Variants in STKLD1 observed in about 807,000 individuals in gnomAD.
STKLD1 encodes serine/threonine kinase-like domain-containing protein STKLD1.
A neutral mutation model predicts 80.4 loss-of-function variants in STKLD1; 79 were observed. That is an observed-to-expected ratio of 0.98 (90% CI 0.82 to 1.19). The LOEUF (loss-of-function observed/expected upper bound fraction) is 1.19, where lower values mean the gene tolerates loss of function less well. Ranked by LOEUF, STKLD1 falls within the 50% of genes most tolerant of loss-of-function variation. STKLD1 has a pLI of 0.00. For missense variants in STKLD1, 841 were observed against 856.0 expected (o/e 0.98, Z 0.22); for synonymous variants, 393 against 357.6 (o/e 1.10, Z -1.12).
In STKLD1 at chr9:133,395,777, C is replaced by T. The variant is rs782548257; in HGVS notation, c.866+14C>T. The T allele has an allele frequency of 1.7e-5, 27 of 1,611,840 alleles. No homozygotes were observed. Among genetic ancestry groups the T allele is most frequent in the African/African-American group, 4.0e-5 (3 of 74,888 alleles). Reference sequence around the variant, plus strand: ...AATAACGATAAAGTGAGCTCAGGGTCGGGGTTTATTTTAACCTGTGGATTT... The same window carrying T: ...AATAACGATAAAGTGAGCTCAGGGTTGGGGTTTATTTTAACCTGTGGATTT... On this transcript the variant is annotated intron_variant, in intron 9 of 17. Coordinates refer to ENST00000371957, the MANE Select transcript of STKLD1 (RefSeq NM_153710.5).
Position 133,394,208 on chromosome 9 carries a change from C to G in STKLD1, c.584-83C>G, listed in dbSNP as rs1838496957. On this transcript the variant is annotated intron_variant, in intron 7 of 17. Transcript: ENST00000371957. This position sits in a 1 kb window ranked among gnomAD's most constrained non-coding sequence, Gnocchi z 4.9. Reference sequence around the variant, plus strand: ...TTGCGGGGGGCCACCAAAGGGGATACAGTGCTGGGCAGGGTGACTCTGTCA... The same window carrying G: ...TTGCGGGGGGCCACCAAAGGGGATAGAGTGCTGGGCAGGGTGACTCTGTCA... 1.1e-6 allele frequency: 1 copy of G among 904,310 alleles called. No homozygotes were observed. The highest frequency in any genetic ancestry group is 1.9e-6 in the Non-Finnish European group (1 of 537,928). 56.0% of individuals were successfully genotyped at this position (904,310 alleles called of 1,614,324 possible).
chr9:133,400,538 C>T lies in STKLD1; in HGVS notation c.1198+9C>T. On this transcript the variant is annotated intron_variant, in intron 12 of 17. Transcript: ENST00000371957. ...GCACCTCCTGGGCCAAGGTGGGTGC[C>T]AAACCAGGCCAGATGGGGTCGGGGA... is the stretch of plus-strand genomic sequence containing the variant. 6.2e-7 allele frequency: 1 copy of T among 1,602,848 alleles called. No homozygotes were observed.
At chr9:133,392,153 T>G (rs889410780) in intron 7 of STKLD1, among the ~76,000 whole-genome samples, 1 of 149,896 alleles carries the variant, frequency 6.7e-6, no homozygotes, top group Non-Finnish European at 1.5e-5. Context: ...CTCGGCTCAC[T>G]GCAAGCTCCG....
In STKLD1 at chr9:133,404,928, T is replaced by C; in HGVS notation, c.1872T>C (p.Tyr624=). Residue 624 remains tyrosine (Y), a splice_region_variant and synonymous_variant, in exon 17 of 18, where the codon TAT becomes TAC. Transcript: ENST00000371957. Reference sequence around the variant, plus strand: ...TGCTGCTGGTCCACCTGGCTTCCTATGGTGAGAACCCCTTCTCACCTCACA... The same window carrying C: ...TGCTGCTGGTCCACCTGGCTTCCTACGGTGAGAACCCCTTCTCACCTCACA... ...VGMLLVHLAS[Y]EEILPELVSS... is the part of the protein sequence containing the mutation. 1.9e-6 allele frequency: 3 copies of C among 1,613,124 alleles called. No individual in the cohort carries two copies. Among genetic ancestry groups the C allele is most frequent in the Non-Finnish European group, 2.5e-6 (3 of 1,179,738 alleles).
intron 2 of STKLD1, among the ~76,000 whole-genome samples, chr9:133,379,916 A>G (rs1447781116): frequency 1.3e-5 from 2 of 152,190 alleles, no homozygotes; most frequent in Non-Finnish European, 2.9e-5. Flanking sequence ...CTCACCCTGT[A>G]TGGCTGGGCC....
At chr9:133,403,145 CTCT>C in intron 14 of STKLD1, 133 bp downstream of exon 14, 1 of 963,454 alleles carries the variant, frequency 1.0e-6, no homozygotes, top group Non-Finnish European at 1.5e-6. Context: ...CCGGGAAAGG[CTCT>C]TCTGAGAGCT....
chr9:133,381,131 C>CTTTTTTTTTT (rs35031853), intron 2 of STKLD1, among the ~76,000 whole-genome samples: 2 of 69,164 alleles, frequency 2.9e-5, no homozygotes, highest in Admixed American at 1.8e-4. Context: ...TACGATGTAA[C>CTTTTTTTTTT]TTTTTTTTTT....
At chr9:133,381,779 T>G (rs1838141694) in intron 2 of STKLD1, among the ~76,000 whole-genome samples, 1 of 152,132 alleles carries the variant, frequency 6.6e-6, no homozygotes, top group Non-Finnish European at 1.5e-5. Context: ...TCTTTCCATG[T>G]TTTGGCCAAC....
chr9:133,400,081 T>C (rs1342212829), intron 11 of STKLD1, among the ~76,000 whole-genome samples: 1 of 152,100 alleles, frequency 6.6e-6, no homozygotes, highest in Non-Finnish European at 1.5e-5. Context: ...CTCAGGGCAG[T>C]TGCAGCCAAG....
Position 133,394,756 on chromosome 9 carries a change from G to GC in STKLD1, c.702+347_702+348insC. 1 of 294,320 alleles carries GC rather than the reference G, an allele frequency of 3.4e-6. No homozygotes were observed. Among genetic ancestry groups the GC allele is most frequent in the South Asian group, 4.6e-5 (1 of 21,554 alleles). 18.2% of individuals were successfully genotyped at this position (294,320 alleles called of 1,614,324 possible). A position where few individuals can be genotyped will look rare whatever the true frequency, so the allele number is the denominator to read the frequency against. ...AGGCTGCACGGAGTTGCAAGCAACG[G>GC]GAACCCAGTGTGGGCCTGAACACAC... On this transcript the variant is annotated intron_variant, in intron 8 of 17. Transcript: ENST00000371957. The surrounding 1 kb of genome is among the most constrained non-coding windows in gnomAD (Gnocchi z 4.9).
intron 4 of STKLD1, 67 bp from the exon 5 acceptor site, chr9:133,387,380 A>G: frequency 7.7e-7 from 1 of 1,294,886 alleles, no homozygotes; most frequent in Non-Finnish European, 1.1e-6. Flanking sequence ...GAGGCCCTGG[A>G]GCAGGTGAGC....
chr9:133,390,191 TAAAACACAC>T lies in STKLD1; in HGVS notation c.468-488_468-480del, dbSNP rs1396767220. ...CACTTCAGCCTGGGCAACCCTGACT[TAAAACACAC>T]ACACACACACACACACACACACACA... On this transcript the variant is annotated intron_variant, in intron 6 of 17. Coordinates refer to ENST00000371957, the MANE Select transcript of STKLD1 (RefSeq NM_153710.5). The surrounding 1 kb of genome is among the most constrained non-coding windows in gnomAD (Gnocchi z 5.1). Among the ~76,000 whole-genome samples the T allele has an allele frequency of 2.0e-4, 25 of 122,058 alleles. No individual in the cohort carries two copies. The highest frequency in any genetic ancestry group is 7.4e-4 in the African/African-American group (23 of 31,106). 80.1% of individuals were successfully genotyped at this position (122,058 alleles called of 152,430 possible).
intron 8 of STKLD1, among the ~76,000 whole-genome samples, chr9:133,395,252 C>T (rs1838529586): frequency 6.6e-6 from 1 of 152,166 alleles, no homozygotes; most frequent in Admixed American, 6.5e-5. Flanking sequence ...TGTGTGACAT[C>T]CTGGAAATTA....
At chr9:133,396,495 T>G (rs1012400416) in intron 9 of STKLD1, among the ~76,000 whole-genome samples, 3 of 152,026 alleles carry the variant, frequency 2.0e-5, no homozygotes, top group Admixed American at 1.3e-4. Flanking sequence ...GGTTCACACC[T>G]GTAATCCCAG....
chr9:133,377,407 G>T (rs1336761589), intron 1 of STKLD1, among the ~76,000 whole-genome samples: 1 of 152,222 alleles, frequency 6.6e-6, no homozygotes, highest in African/African-American at 2.4e-5. Context: ...GCTCACGCCT[G>T]TAATCCCCAA....
Position 133,398,031 on chromosome 9 carries a change from C to A in STKLD1, c.1057C>A (p.Leu353Met). ...CCAGCTCAGGGCCATGAAGAGGCTT[C>A]TGAAAATGCCTGCAGATCAGCTAGG... ...EVQLRAMKRL[L>M]KMPADQLGLP... The change falls in exon 11 of 18, where the codon CTG (leucine) becomes ATG (methionine). Residue 353 changes from leucine to methionine, a missense_variant. By Grantham distance (15) the Leu-to-Met change is conservative. Transcript: ENST00000371957. 6.2e-7 allele frequency: 1 copy of A among 1,613,628 alleles called. No homozygotes were observed. Among genetic ancestry groups the A allele is most frequent in the Non-Finnish European group, 8.5e-7 (1 of 1,179,924 alleles).
chr9:133,404,720 G>A lies in STKLD1; in HGVS notation c.1733-69G>A, dbSNP rs934715565. On this transcript the variant is annotated intron_variant, in intron 16 of 17. Transcript: ENST00000371957. ...TGTGTGAGCTCTGGGGTCCCATCCC[G>A]TCCTGGGCAGAAGGCTCTTCCCTTT... 48 of 1,575,708 alleles carry A rather than the reference G, an allele frequency of 3.0e-5. No homozygotes were observed. In the Middle Eastern group the frequency reaches 5.5e-4, roughly 18 times the overall value.
rs115305646 is a variant in STKLD1, at chr9:133,401,093, G to T, written c.1198+564G>T. Among the ~76,000 whole-genome samples, 1,062 of 151,948 alleles carry T rather than the reference G, an allele frequency of 7.0e-3. 12 individuals carry two copies. Among genetic ancestry groups the T allele is most frequent in the African/African-American group, 0.025 (1,015 of 41,384 alleles). ...CTATGAGAGACATGGGTTGTTAAAA[G>T]AGTTGAATTAGCTTTGATGATTTTT... is the stretch of plus-strand genomic sequence containing the variant. On this transcript the variant is annotated intron_variant, in intron 12 of 17. Transcript: ENST00000371957.
At chr9:133,380,325 A>T (rs1257271946) in intron 2 of STKLD1, among the ~76,000 whole-genome samples, 1 of 151,236 alleles carries the variant, frequency 6.6e-6, no homozygotes, top group African/African-American at 2.4e-5. Flanking sequence ...GATTACAGGC[A>T]TGAGCCACCG....
Sources: gnomAD v4.1 joint callset for allele counts (sites outside exome capture counted in the v4.1 genomes callset) on GRCh38, gnomAD v4.1.1 for gene constraint, Gnocchi (gnomAD v3.1) non-coding constraint, MANE v1.5 for transcripts, NCBI Gene and HGNC (gene_info 2026-07-23, HGNC 2026-07-21) for gene names.